Variants in KCNB2 observed in about 807,000 individuals in gnomAD.
KCNB2 encodes the protein potassium voltage-gated channel subfamily B member 2.
KCNB2 carries 15 observed loss-of-function variants against 61.5 expected under a neutral mutation model. The ratio of observed to expected loss-of-function variants is 0.24; its 90% CI spans 0.16 to 0.38. The LOEUF is 0.38. Among genes scored for constraint, KCNB2 ranks in the 10% least tolerant of loss-of-function variants. The pLI, the probability that KCNB2 is intolerant of heterozygous loss-of-function variation, is 1.00. For missense variants in KCNB2, 828 were observed against 1,125.2 expected, an observed-to-expected ratio of 0.74 and a Z score of 3.78; for synonymous variants, 457 against 446.0, an observed-to-expected ratio of 1.02 and a Z score of -0.31.
rs530511494 is a variant in KCNB2, at chr8:72,740,470, G to T, written c.579+172157G>T. Among the ~76,000 whole-genome samples the T allele has an allele frequency of 2.0e-5, 3 of 152,218 alleles. No individual in the cohort carries two copies. The South Asian group carries it at 6.2e-4, about 32-fold the overall frequency. On this transcript the variant is annotated intron_variant, in intron 2 of 2. Coordinates refer to ENST00000523207, the MANE Select transcript of KCNB2 (RefSeq NM_004770.3). ...CTACTAAAAAGTGAATATGGCAGAG[G>T]AAGATACCCTATTAAGCCATAGTAG...
At chr8:72,694,265 G>A (rs539232071) in intron 2 of KCNB2, among the ~76,000 whole-genome samples, 1 of 152,282 alleles carries the variant, frequency 6.6e-6, no homozygotes, top group African/African-American at 2.4e-5. Context: ...GCTTTTAGAG[G>A]CAAATCAGTG....
At chr8:72,580,061 A>G (rs1373521236) in intron 2 of KCNB2, among the ~76,000 whole-genome samples, 1 of 152,072 alleles carries the variant, frequency 6.6e-6, no homozygotes, top group Non-Finnish European at 1.5e-5. Flanking sequence ...TGACTCCACA[A>G]CTTTTTCTGT....
At chr8:72,899,995 C>A (rs969972060) in intron 2 of KCNB2, among the ~76,000 whole-genome samples, 10 of 152,000 alleles carry the variant, frequency 6.6e-5, no homozygotes, top group Admixed American at 1.3e-4. Flanking sequence ...CATAGTGAGA[C>A]CCCATCTCAA....
At chr8:72,699,682 T>C (rs1220278959) in intron 2 of KCNB2, among the ~76,000 whole-genome samples, 2 of 152,200 alleles carry the variant, frequency 1.3e-5, no homozygotes, top group African/African-American at 4.8e-5. Flanking sequence ...GCCTGTGTCC[T>C]GAATGGTATT....
chr8:72,567,379 T>A (rs1001017329), intron 1 of KCNB2, among the ~76,000 whole-genome samples: 1 of 152,134 alleles, frequency 6.6e-6, no homozygotes, highest in African/African-American at 2.4e-5. Context: ...TCTCATGACA[T>A]GTTTGGGAGT....
chr8:72,735,054 G>A (rs1025067881), intron 2 of KCNB2, among the ~76,000 whole-genome samples: 1 of 152,120 alleles, frequency 6.6e-6, no homozygotes, highest in African/African-American at 2.4e-5. Context: ...GGAAAGCAGG[G>A]CCCCTTTGTC....
At chr8:72,548,904 A>G (rs1806303134) in intron 1 of KCNB2, among the ~76,000 whole-genome samples, 1 of 152,298 alleles carries the variant, frequency 6.6e-6, no homozygotes, top group South Asian at 2.1e-4. Flanking sequence ...AGGTCACTTC[A>G]TTAATGAGAT....
At chr8:72,589,713 C>T (rs899673169) in intron 2 of KCNB2, among the ~76,000 whole-genome samples, 1 of 152,104 alleles carries the variant, frequency 6.6e-6, no homozygotes, top group Non-Finnish European at 1.5e-5. Context: ...AAATCTAAGA[C>T]TGATTGTACT....
Position 72,556,422 on chromosome 8 carries a change from A to G in KCNB2, c.-93-11220A>G, listed in dbSNP as rs188648430. On this transcript the variant is annotated intron_variant, in intron 1 of 2. Coordinates refer to ENST00000523207, the MANE Select transcript of KCNB2 (RefSeq NM_004770.3). ...AGGGAAAGAATATTTATAAAGTGCC[A>G]TACACAGATGGATGGTTAAAAAATG... Among the ~76,000 whole-genome samples, 713 of 152,230 alleles carry G rather than the reference A, an allele frequency of 4.7e-3. 7 individuals carry two copies. The highest frequency in any genetic ancestry group is 0.016 in the African/African-American group (672 of 41,556).
intron 2 of KCNB2, among the ~76,000 whole-genome samples, chr8:72,907,941 A>G (rs1806207591): frequency 6.6e-6 from 1 of 152,202 alleles, no homozygotes; most frequent in African/African-American, 2.4e-5. Context: ...AAAGCTGTAC[A>G]CTTGTCTACA....
At chr8:72,653,893 T>A (rs572949589) in intron 2 of KCNB2, among the ~76,000 whole-genome samples, 6 of 152,344 alleles carry the variant, frequency 3.9e-5, no homozygotes, top group Non-Finnish European at 8.8e-5. Context: ...GGTTTTAGGA[T>A]TGACACTGAA....
At chr8:72,723,612 G>A (rs1307729253) in intron 2 of KCNB2, among the ~76,000 whole-genome samples, 3 of 152,092 alleles carry the variant, frequency 2.0e-5, no homozygotes, top group Non-Finnish European at 4.4e-5. Context: ...TGTCATGTTG[G>A]TAGCCACTCA....
chr8:72,555,133 T>C (rs1806403497), intron 1 of KCNB2, among the ~76,000 whole-genome samples: 2 of 152,062 alleles, frequency 1.3e-5, no homozygotes, highest in African/African-American at 2.4e-5. Flanking sequence ...CCTAGTTGTG[T>C]TGTGAGCAAG....
chr8:72,844,269 A>C (rs1809946431), intron 2 of KCNB2, among the ~76,000 whole-genome samples: 2 of 151,956 alleles, frequency 1.3e-5, no homozygotes, highest in Admixed American at 6.6e-5. Flanking sequence ...ATTGGCCCCC[A>C]CTCTCTTCTG....
intron 2 of KCNB2, among the ~76,000 whole-genome samples, chr8:72,794,524 C>T (rs1808997061): frequency 7.0e-6 from 1 of 143,526 alleles, no homozygotes; most frequent in African/African-American, 2.6e-5. Flanking sequence ...GAGATCGCGC[C>T]ACTGCACTCC....
chr8:72,762,786 T>C (rs1808402379), intron 2 of KCNB2, among the ~76,000 whole-genome samples: 1 of 151,922 alleles, frequency 6.6e-6, no homozygotes, highest in Admixed American at 6.6e-5. Context: ...AATAATTTGA[T>C]GTTTCTGTTT....
chr8:72,802,133 G>A (rs980559600), intron 2 of KCNB2, among the ~76,000 whole-genome samples: 7 of 152,188 alleles, frequency 4.6e-5, no homozygotes, highest in South Asian at 2.1e-4. Context: ...CAATTGTTAC[G>A]TAGTATTGTT....
chr8:72,825,496 A>G (rs192748042), intron 2 of KCNB2, among the ~76,000 whole-genome samples: 62 of 152,308 alleles, frequency 4.1e-4, no homozygotes, highest in African/African-American at 1.1e-3. Context: ...TGGCTACACC[A>G]TGTTATGTTC....
chr8:72,808,645 G>A (rs969555341), intron 2 of KCNB2, among the ~76,000 whole-genome samples: 5 of 152,144 alleles, frequency 3.3e-5, no homozygotes, highest in African/African-American at 1.2e-4. Flanking sequence ...TGTCTTTGCG[G>A]ACATTTTTCT....
Sources: allele counts gnomAD v4.1 joint callset (sites outside exome capture counted in the v4.1 genomes callset), GRCh38; gene constraint gnomAD v4.1.1; transcripts MANE v1.5; gene names NCBI Gene and HGNC (gene_info 2026-07-23, HGNC 2026-07-21).